The following PRKD1 variants were observed in gnomAD, a reference collection of about 807,000 sequenced individuals.
PRKD1 encodes the protein serine/threonine-protein kinase D1.
Under a neutral mutation model 95.9 loss-of-function variants are expected in PRKD1, and 63 were observed. The ratio of observed to expected loss-of-function variants is 0.66; its 90% CI spans 0.54 to 0.81. The LOEUF (loss-of-function observed/expected upper bound fraction) is 0.81, where lower values mean the gene tolerates loss of function less well. Among genes scored for constraint, PRKD1 ranks in the 30% least tolerant of loss-of-function variants. PRKD1 has a pLI of 0.00. For synonymous variants in PRKD1, 425 were observed against 423.1 expected (o/e 1.00, Z -0.05); for missense variants, 1,048 against 1,165.3 (o/e 0.90, Z 1.47).
chr14:29,807,399 TA>T (rs1285043659), intron 1 of PRKD1, among the ~76,000 whole-genome samples: 562 of 145,730 alleles, frequency 3.9e-3, no homozygotes, highest in Admixed American at 9.2e-3. Flanking sequence ...CCTCTTTTTT[TA>T]AAAAAAAAAA....
intron 6 of PRKD1, 130 bp downstream of exon 6, chr14:29,638,359 C>A: frequency 1.2e-6 from 1 of 832,968 alleles, no homozygotes. Context: ...CAAACACTGG[C>A]CATAATTTAC....
At chr14:29,797,344 A>G (rs1217506999) in intron 1 of PRKD1, among the ~76,000 whole-genome samples, 10 of 152,206 alleles carry the variant, frequency 6.6e-5, no homozygotes, top group Admixed American at 5.9e-4. Context: ...AAATGCAGTA[A>G]GTTTACATCA....
intron 13 of PRKD1, among the ~76,000 whole-genome samples, chr14:29,615,819 G>A (rs751563332): frequency 1.3e-5 from 2 of 152,224 alleles, no homozygotes; most frequent in Admixed American, 6.5e-5. Flanking sequence ...TGAAGGAAGA[G>A]TTCTTGCCTA....
At position 29,748,381 on chromosome 14, in the gene PRKD1, CT is replaced by C. The variant is rs1404329980; in HGVS notation, c.265-22708del. ...TTTCAAATCACATAAGCCAAGAAGCCTTCTGGTTCAAAATTGCAGATGAAGC... is the reference window on the plus strand; with the variant it reads ...TTTCAAATCACATAAGCCAAGAAGCCTCTGGTTCAAAATTGCAGATGAAGC... On this transcript the variant is annotated intron_variant, in intron 1 of 17. Transcript: ENST00000331968. Among the ~76,000 whole-genome samples, 3 of 152,228 alleles carry C rather than the reference CT, an allele frequency of 2.0e-5. No homozygotes were observed. The East Asian group carries it at 5.8e-4, about 29-fold the overall frequency.
chr14:29,680,515 C>T (rs1407203013), intron 2 of PRKD1, among the ~76,000 whole-genome samples: 1 of 152,174 alleles, frequency 6.6e-6, no homozygotes, highest in Non-Finnish European at 1.5e-5. Flanking sequence ...GCAAATATGA[C>T]TCCGTTTGTT....
At chr14:29,693,372 T>C (rs1166330180) in intron 2 of PRKD1, among the ~76,000 whole-genome samples, 4 of 152,032 alleles carry the variant, frequency 2.6e-5, no homozygotes, top group Non-Finnish European at 4.4e-5. Flanking sequence ...GTCTTATCAG[T>C]CCATTTATTT....
chr14:29,772,222 T>C (rs938610533), intron 1 of PRKD1, among the ~76,000 whole-genome samples: 3 of 152,198 alleles, frequency 2.0e-5, no homozygotes, highest in Non-Finnish European at 4.4e-5. Context: ...TCAATTTTTG[T>C]GTCCCTCTAA....
At chr14:29,885,462 A>G (rs1028795525) in intron 1 of PRKD1, among the ~76,000 whole-genome samples, 2 of 152,130 alleles carry the variant, frequency 1.3e-5, no homozygotes, top group African/African-American at 4.8e-5. Flanking sequence ...ATGTTCCTTT[A>G]TAAACTCCCA....
At chr14:29,802,644 T>G (rs1890082046) in intron 1 of PRKD1, among the ~76,000 whole-genome samples, 1 of 152,198 alleles carries the variant, frequency 6.6e-6, no homozygotes, top group African/African-American at 2.4e-5. Flanking sequence ...GATAAAAGAT[T>G]GGAACCTGAG....
intron 16 of PRKD1, 67 bp downstream of exon 16, chr14:29,597,424 T>G (rs1893347756): frequency 7.2e-7 from 1 of 1,382,006 alleles, no homozygotes; most frequent in African/African-American, 1.5e-5. Context: ...ACAATTAAAT[T>G]AATTTAAATT....
chr14:29,686,121 G>C (rs1444421972), intron 2 of PRKD1, among the ~76,000 whole-genome samples: 3 of 152,084 alleles, frequency 2.0e-5, no homozygotes, highest in Non-Finnish European at 4.4e-5. Flanking sequence ...CCTTTAATAG[G>C]ATACAGAGGC....
At chr14:29,914,777 C>CTTTTCTTTTCTT (rs562742263) in intron 1 of PRKD1, among the ~76,000 whole-genome samples, 1,873 of 144,324 alleles carry the variant, frequency 0.013, 48 homozygotes, top group African/African-American at 0.045. Flanking sequence ...CTTTTCTTTT[C>CTTTTCTTTTCTT]TTTTTTTTTT....
chr14:29,811,682 G>C (rs1251997304), intron 1 of PRKD1, among the ~76,000 whole-genome samples: 1 of 152,198 alleles, frequency 6.6e-6, no homozygotes, highest in Non-Finnish European at 1.5e-5. Flanking sequence ...GGTTGGGCTT[G>C]GGGTCCTCAG....
intron 4 of PRKD1, among the ~76,000 whole-genome samples, chr14:29,646,865 A>G (rs1225807261): frequency 6.6e-6 from 1 of 152,122 alleles, no homozygotes; most frequent in African/African-American, 2.4e-5. Flanking sequence ...GAAAAATATG[A>G]AAACCCTTGA....
intron 1 of PRKD1, among the ~76,000 whole-genome samples, chr14:29,728,087 C>T (rs1052973431): frequency 6.6e-6 from 1 of 151,830 alleles, no homozygotes; most frequent in Non-Finnish European, 1.5e-5. Flanking sequence ...GTGCAGCGCA[C>T]CAGCATGTCA....
At chr14:29,901,606 AATTTTT>A (rs1370867361) in intron 1 of PRKD1, among the ~76,000 whole-genome samples, 1 of 151,888 alleles carries the variant, frequency 6.6e-6, no homozygotes, top group African/African-American at 2.4e-5. Flanking sequence ...ATAGTTCATT[AATTTTT>A]GAGTCTTCAA....
At chr14:29,658,493 T>TG (rs1392570122) in intron 4 of PRKD1, among the ~76,000 whole-genome samples, 1 of 152,184 alleles carries the variant, frequency 6.6e-6, no homozygotes, top group African/African-American at 2.4e-5. Context: ...AATTTTTTTT[T>TG]TTCAGAATAT....
In PRKD1 at chr14:29,826,802, CACATATATAT is replaced by C. The variant is rs1566622945; in HGVS notation, c.264+100437_264+100446del. 4.0e-3 allele frequency among the ~76,000 whole-genome samples: 91 copies of C among 22,720 alleles called. 3 individuals are homozygous for C. Among genetic ancestry groups the C allele is most frequent in the African/African-American group, 7.5e-3 (35 of 4,696 alleles). The allele number at this position is 22,720 out of a possible 152,430, so 14.9% of individuals were successfully genotyped here. On this transcript the variant is annotated intron_variant, in intron 1 of 17. Transcript: ENST00000331968. ...ATATACATATATACACATATATATA[CACATATATAT>C]ACACATATATATATATATATATATA...
chr14:29,899,700 C>A (rs866505162), intron 1 of PRKD1, among the ~76,000 whole-genome samples: 1 of 152,078 alleles, frequency 6.6e-6, no homozygotes, highest in East Asian at 1.9e-4. Flanking sequence ...CCCATATAGA[C>A]CTTAAATTAC....
Sources: gnomAD v4.1 joint callset for allele counts (sites outside exome capture counted in the v4.1 genomes callset) on GRCh38, gnomAD v4.1.1 for gene constraint, MANE v1.5 for transcripts, NCBI Gene and HGNC (gene_info 2026-07-23, HGNC 2026-07-21) for gene names.